Variants in SRPK2 observed in about 807,000 individuals in gnomAD.
SRPK2 encodes the protein SFRS protein kinase 2.
Under a neutral mutation model 90.8 loss-of-function variants are expected in SRPK2, and 21 were observed. The ratio of observed to expected loss-of-function variants is 0.23; its 90% confidence interval spans 0.16 to 0.33. The LOEUF is 0.33. Among genes scored for constraint, SRPK2 ranks in the 10% least tolerant of loss-of-function variants. The pLI, the probability that SRPK2 is intolerant of heterozygous loss-of-function variation, is 1.00. For missense variants in SRPK2, 620 were observed against 869.0 expected, an observed-to-expected ratio of 0.71 and a Z score of 3.60; for synonymous variants, 288 against 311.1, an observed-to-expected ratio of 0.93 and a Z score of 0.78.
chr7:105,120,480 A>G (rs1048484830), intron 15 of SRPK2, among the ~76,000 whole-genome samples: 4 of 152,230 alleles, frequency 2.6e-5, no homozygotes, highest in African/African-American at 9.6e-5. Flanking sequence ...TAGGCATACT[A>G]TAAACTGGTA....
intron 2 of SRPK2, among the ~76,000 whole-genome samples, chr7:105,248,855 G>A (rs1227192183): frequency 6.6e-6 from 1 of 151,822 alleles, no homozygotes; most frequent in Admixed American, 6.6e-5. Context: ...GAACCCGGGA[G>A]GCAGAGCTTG....
At chr7:105,352,341 C>T (rs763505488) in intron 2 of SRPK2, among the ~76,000 whole-genome samples, 36 of 152,336 alleles carry the variant, frequency 2.4e-4, no homozygotes, top group Non-Finnish European at 4.3e-4. Flanking sequence ...ACCGCAGCTT[C>T]CTCCTTGCTC....
chr7:105,246,866 C>T (rs1374671858), intron 2 of SRPK2, among the ~76,000 whole-genome samples: 2 of 152,164 alleles, frequency 1.3e-5, no homozygotes, highest in African/African-American at 4.8e-5. Context: ...GAAATGGATT[C>T]CACTTAAGTG....
upstream of SRPK2, among the ~76,000 whole-genome samples, chr7:105,393,122 T>C (rs2132910073): frequency 6.6e-6 from 1 of 152,166 alleles, no homozygotes; most frequent in East Asian, 1.9e-4. Flanking sequence ...GCCTCCCAAG[T>C]ACCTGGGATT....
intron 4 of SRPK2, among the ~76,000 whole-genome samples, chr7:105,168,682 T>C (rs973860650): frequency 7.3e-5 from 11 of 150,104 alleles, no homozygotes; most frequent in African/African-American, 2.2e-4. Flanking sequence ...ACCAACCTAA[T>C]AGTGAAAACC....
At chr7:105,280,947 CAAAAAAAAAAAAAAAAAAAAAAAA>C (rs1158350206) in intron 2 of SRPK2, among the ~76,000 whole-genome samples, 2 of 43,306 alleles carry the variant, frequency 4.6e-5, no homozygotes, top group Admixed American at 4.4e-4. Flanking sequence ...GACTCCATCT[CAAAAAAAAAAAAAAAAAAAAAAAA>C]AAAAAAAAAA....
chr7:105,387,835 C>G (rs1228769374), intron 2 of SRPK2, among the ~76,000 whole-genome samples: 2 of 152,168 alleles, frequency 1.3e-5, no homozygotes, highest in Admixed American at 6.5e-5. Flanking sequence ...TGTGCGGTCT[C>G]GGAGCAGCTC....
chr7:105,196,366 C>T (rs1794914208), intron 3 of SRPK2, among the ~76,000 whole-genome samples: 1 of 152,060 alleles, frequency 6.6e-6, no homozygotes, highest in Non-Finnish European at 1.5e-5. Flanking sequence ...AAGTAAAGAC[C>T]ACACGTCTAT....
chr7:105,126,254 G>A lies in SRPK2; in HGVS notation c.1909C>T (p.Arg637Cys). The A allele has an allele frequency of 1.2e-6, 2 of 1,612,482 alleles. No individual in the cohort carries two copies. The highest frequency in any genetic ancestry group is 1.7e-6 in the Non-Finnish European group (2 of 1,178,518). The change falls in exon 15 of 16, where the codon CGC becomes TGC. Residue 637 changes from arginine (R) to cysteine (C), a missense_variant. Around this residue, in one of 8 missense-constraint regions of SRPK2, gnomAD observed 71 missense variants for 123.1 expected, o/e 0.58. Coordinates refer to ENST00000393651, the MANE Select transcript of SRPK2 (RefSeq NM_182692.3). ...SGKYSREFFN[R>C]RGELRHITKL... ...CAAAAAGAAGAGGTACTACCTCTGC[G>A]ATTGAAGAATTCCCGAGAATATTTT...
At chr7:105,293,474 T>A (rs1809347171) in intron 2 of SRPK2, among the ~76,000 whole-genome samples, 1 of 151,588 alleles carries the variant, frequency 6.6e-6, no homozygotes, top group Non-Finnish European at 1.5e-5. Flanking sequence ...GGAGACAGAG[T>A]CTTTGCAACC....
chr7:105,394,573 T>A lies in SRPK2; in HGVS notation n.153+4583A>T, dbSNP rs181835193. On this transcript the variant is annotated intron_variant and non_coding_transcript_variant, in intron 1 of 3. Transcript: ENST00000462282. ...TAACAACATGTACTAATACTAGTCC[T>A]CATAGGTCAGTTCGATAATCAAATA... Among the ~76,000 whole-genome samples the A allele has an allele frequency of 7.2e-3, 1,104 of 152,362 alleles. 9 individuals carry two copies. The highest frequency in any genetic ancestry group is 9.5e-3 in the Non-Finnish European group (647 of 68,038).
intron 2 of SRPK2, among the ~76,000 whole-genome samples, chr7:105,364,304 A>G (rs1818766922): frequency 1.3e-5 from 2 of 152,046 alleles, no homozygotes; most frequent in Non-Finnish European, 2.9e-5. Flanking sequence ...TGTAACAACA[A>G]TGGTATCTTC....
chr7:105,201,270 A>C (rs1165816207), intron 3 of SRPK2, among the ~76,000 whole-genome samples: 1 of 152,190 alleles, frequency 6.6e-6, no homozygotes, highest in East Asian at 1.9e-4. Flanking sequence ...TGCTAACTAA[A>C]GGTACAAGTT....
chr7:105,309,962 G>T (rs1487420000), intron 2 of SRPK2, among the ~76,000 whole-genome samples: 1 of 152,204 alleles, frequency 6.6e-6, no homozygotes, highest in Non-Finnish European at 1.5e-5. Flanking sequence ...TAAGCACTGT[G>T]GTCTGCACAA....
At chr7:105,141,836 C>A (rs1431890421) in intron 11 of SRPK2, among the ~76,000 whole-genome samples, 172 bp downstream of exon 11, 1 of 152,090 alleles carries the variant, frequency 6.6e-6, no homozygotes, top group Admixed American at 6.5e-5. Flanking sequence ...AGCCTAATGG[C>A]ATAGAAAATT....
chr7:105,317,454 G>C (rs773030168), intron 2 of SRPK2, among the ~76,000 whole-genome samples: 12 of 152,154 alleles, frequency 7.9e-5, no homozygotes, highest in Admixed American at 4.6e-4. Flanking sequence ...AAAAACACCT[G>C]TGCAATCATT....
chr7:105,275,646 A>G (rs2130689512), intron 2 of SRPK2, among the ~76,000 whole-genome samples: 1 of 152,356 alleles, frequency 6.6e-6, no homozygotes, highest in South Asian at 2.1e-4. Flanking sequence ...AAGGGCTATC[A>G]GTACAGCACT....
At chr7:105,287,259 T>TAAAAAAAAAAA (rs71520909) in intron 2 of SRPK2, among the ~76,000 whole-genome samples, 3 of 58,870 alleles carry the variant, frequency 5.1e-5, no homozygotes, top group East Asian at 1.0e-3. Flanking sequence ...AGACTCCGTC[T>TAAAAAAAAAAA]AAAAAAAAAA....
chr7:105,128,276 T>C (rs1210745141), intron 13 of SRPK2, among the ~76,000 whole-genome samples: 1 of 152,234 alleles, frequency 6.6e-6, no homozygotes, highest in East Asian at 1.9e-4. Flanking sequence ...TCAGGATCCC[T>C]GCCCTGAACC....
Sources: gnomAD v4.1 joint callset for allele counts (sites outside exome capture counted in the v4.1 genomes callset) on GRCh38, gnomAD v4.1.1 for gene constraint, gnomAD v4.1.1 regional missense constraint, MANE v1.5 for transcripts, NCBI Gene and HGNC (gene_info 2026-07-23, HGNC 2026-07-21) for gene names.